Variants in DCC observed in about 807,000 individuals in gnomAD.
DCC encodes the protein DCC netrin 1 receptor.
DCC carries 58 observed loss-of-function variants against 172.5 expected under a neutral mutation model. The observed-to-expected ratio is 0.34, with a 90% CI of 0.27 to 0.42. The LOEUF (loss-of-function observed/expected upper bound fraction) is 0.42, where lower values mean the gene tolerates loss of function less well. Among genes scored for constraint, DCC ranks in the 10% least tolerant of loss-of-function variants. DCC has a pLI of 1.00. For synonymous variants in DCC, 709 were observed against 644.5 expected (o/e 1.10, Z -1.52); for missense variants, 1,740 against 1,791.0 (o/e 0.97, Z 0.51).
intron 2 of DCC, among the ~76,000 whole-genome samples, chr18:52,858,760 T>A (rs900182334): frequency 1.3e-5 from 2 of 152,216 alleles, no homozygotes; most frequent in African/African-American, 4.8e-5. Context: ...GTATCCCTTC[T>A]GTGGAATGTC....
chr18:52,393,135 C>T (rs1189499563), intron 1 of DCC, among the ~76,000 whole-genome samples: 1 of 152,094 alleles, frequency 6.6e-6, no homozygotes, highest in Non-Finnish European at 1.5e-5. Context: ...CACAGGTACA[C>T]TCCCAATATC....
chr18:53,484,444 T>C (rs2045877892), intron 25 of DCC, among the ~76,000 whole-genome samples: 1 of 151,932 alleles, frequency 6.6e-6, no homozygotes, highest in African/African-American at 2.4e-5. Flanking sequence ...CTGGTGCAGT[T>C]TCATTTATTT....
At chr18:52,608,436 C>A (rs2034183327) in intron 1 of DCC, among the ~76,000 whole-genome samples, 1 of 152,104 alleles carries the variant, frequency 6.6e-6, no homozygotes, top group African/African-American at 2.4e-5. Context: ...GAGAAGTGTT[C>A]TGGAGAAGAC....
chr18:53,314,701 T>C (rs1031702378), intron 13 of DCC, among the ~76,000 whole-genome samples: 3 of 152,190 alleles, frequency 2.0e-5, no homozygotes, highest in Non-Finnish European at 4.4e-5. Context: ...TGTAGTTAGA[T>C]TCCACAGCCC....
At chr18:53,249,024 T>G (rs763603844) in intron 12 of DCC, among the ~76,000 whole-genome samples, 56 of 152,008 alleles carry the variant, frequency 3.7e-4, no homozygotes, top group Admixed American at 6.6e-4. Context: ...TTTGGCACCT[T>G]CTAGAGTTAG....
chr18:52,389,224 G>A (rs1196198561), intron 1 of DCC, among the ~76,000 whole-genome samples: 1 of 152,110 alleles, frequency 6.6e-6, no homozygotes, highest in Non-Finnish European at 1.5e-5. Context: ...AATGTATGCA[G>A]ACATTTTTGG....
At chr18:52,577,387 A>G (rs1267034232) in intron 1 of DCC, among the ~76,000 whole-genome samples, 1 of 152,186 alleles carries the variant, frequency 6.6e-6, no homozygotes, top group Non-Finnish European at 1.5e-5. Flanking sequence ...TTCAAGTATT[A>G]TAGCTATCTT....
At position 52,847,362 on chromosome 18, in the gene DCC, T is replaced by C. The variant is rs565231500; in HGVS notation, c.413-58682T>C. On this transcript the variant is annotated intron_variant, in intron 2 of 28. Transcript: ENST00000442544. The stretch of plus-strand genomic sequence containing the variant: ...AGAATCTGGAAACCACCTTGACCCA[T>C]TGGTTGCTGGATTTTCAGGTGGCTC... Among the ~76,000 whole-genome samples the C allele has an allele frequency of 2.9e-4, 44 of 152,312 alleles. No individual in the cohort carries two copies. The South Asian group carries it at 8.7e-3, about 30-fold the overall frequency.
chr18:53,387,983 CATT>C (rs1171642488), intron 16 of DCC, among the ~76,000 whole-genome samples: 2 of 152,186 alleles, frequency 1.3e-5, no homozygotes, highest in African/African-American at 2.4e-5. Flanking sequence ...CCACTGGAGT[CATT>C]ATCAGCTTCA....
Position 53,040,095 on chromosome 18 carries a change from G to T in DCC, c.986-23210G>T, listed in dbSNP as rs954855087. 2.6e-5 allele frequency among the ~76,000 whole-genome samples: 4 copies of T among 151,446 alleles called. No homozygotes were observed. In the South Asian group the frequency reaches 8.3e-4, roughly 32 times the overall value. ...AAAGCTTGACACTGATTAAATGCAG[G>T]GTGTGAAAAAAAGAAAAAGTCAAGT... is the stretch of plus-strand genomic sequence containing the variant. On this transcript the variant is annotated intron_variant, in intron 5 of 28. Coordinates refer to ENST00000442544, the MANE Select transcript of DCC (RefSeq NM_005215.4).
intron 1 of DCC, among the ~76,000 whole-genome samples, chr18:52,647,137 G>C (rs189301872): frequency 6.6e-6 from 1 of 152,154 alleles, no homozygotes; most frequent in Non-Finnish European, 1.5e-5. Context: ...GAAACTCTCA[G>C]TATTGACCTT....
At chr18:52,361,172 G>T (rs1444617715) in intron 1 of DCC, among the ~76,000 whole-genome samples, 3 of 152,090 alleles carry the variant, frequency 2.0e-5, no homozygotes, top group Non-Finnish European at 2.9e-5. Context: ...TACCTAAAAA[G>T]ATATATATGC....
At chr18:53,182,716 C>T (rs1329035727) in intron 9 of DCC, among the ~76,000 whole-genome samples, 1 of 152,152 alleles carries the variant, frequency 6.6e-6, no homozygotes, top group Non-Finnish European at 1.5e-5. Flanking sequence ...CTTACTTCAT[C>T]TTCTCCAAGC....
At chr18:53,215,946 G>A (rs1009533130) in intron 12 of DCC, among the ~76,000 whole-genome samples, 1 of 152,168 alleles carries the variant, frequency 6.6e-6, no homozygotes, top group African/African-American at 2.4e-5. Context: ...TGTGCTAGAT[G>A]AGGAAATTGA....
intron 2 of DCC, among the ~76,000 whole-genome samples, chr18:52,782,254 A>G (rs2037558891): frequency 6.6e-6 from 1 of 152,162 alleles, no homozygotes; most frequent in African/African-American, 2.4e-5. Context: ...TTAAAAGCTT[A>G]GAAAGTAATG....
At chr18:53,347,420 A>C (rs1287522802) in intron 15 of DCC, among the ~76,000 whole-genome samples, 1 of 152,158 alleles carries the variant, frequency 6.6e-6, no homozygotes. Flanking sequence ...AGCCAAAAAG[A>C]GCTTACACCA....
At chr18:52,417,374 A>G (rs9676106) in intron 1 of DCC, among the ~76,000 whole-genome samples, 50,820 of 151,728 alleles carry the variant, frequency 0.33, 9,063 homozygotes, top group Non-Finnish European at 0.4. Flanking sequence ...CTCGAGGAGT[A>G]TCTTTGTGGC....
At position 52,453,125 on chromosome 18, in the gene DCC, T is replaced by C. The variant is rs551446548; in HGVS notation, c.91+112247T>C. Among the ~76,000 whole-genome samples the C allele has an allele frequency of 3.3e-5, 5 of 152,286 alleles. No individual in the cohort carries two copies. In the East Asian group the frequency reaches 9.7e-4, roughly 29 times the overall value. On this transcript the variant is annotated intron_variant, in intron 1 of 28. Transcript: ENST00000442544. ...ACCTCCTCTCTATCACCAAAACATATAGCTACCCTCAAATAAAAGAGCAGC... is the reference window on the plus strand; with the variant it reads ...ACCTCCTCTCTATCACCAAAACATACAGCTACCCTCAAATAAAAGAGCAGC...
intron 1 of DCC, among the ~76,000 whole-genome samples, chr18:52,505,126 G>A (rs1390581975): frequency 2.0e-5 from 3 of 152,148 alleles, no homozygotes; most frequent in Non-Finnish European, 4.4e-5. Context: ...TCAACTTGCT[G>A]TAAGAGGCAA....
Sources: allele counts gnomAD v4.1 joint callset (sites outside exome capture counted in the v4.1 genomes callset), GRCh38; gene constraint gnomAD v4.1.1; transcripts MANE v1.5; gene names NCBI Gene and HGNC (gene_info 2026-07-23, HGNC 2026-07-21).